The following PLPP4 variants were observed in gnomAD, a reference collection of about 807,000 sequenced individuals.
PLPP4 encodes the protein diacylglycerol pyrophosphate like 2.
A neutral mutation model predicts 32.2 loss-of-function variants in PLPP4; 20 were observed. That is an observed-to-expected ratio of 0.62 (90% CI 0.44 to 0.90). The LOEUF (loss-of-function observed/expected upper bound fraction) is 0.90, where lower values mean the gene tolerates loss of function less well. PLPP4 is among the 40% of genes least tolerant of loss of function. The probability of loss-of-function intolerance (pLI) is 0.00; values close to 1 mark genes in which losing one functional copy is unlikely to be tolerated. For synonymous variants in PLPP4, 127 were observed against 133.0 expected (o/e 0.95, Z 0.31); for missense variants, 257 against 353.1 (o/e 0.73, Z 2.18).
At chr10:120,544,716 T>C (rs1031208313) in intron 5 of PLPP4, among the ~76,000 whole-genome samples, 1 of 152,210 alleles carries the variant, frequency 6.6e-6, no homozygotes, top group East Asian at 1.9e-4. Flanking sequence ...GTATGTGTTA[T>C]AGGTTTGGTG....
intron 5 of PLPP4, among the ~76,000 whole-genome samples, chr10:120,563,575 T>C (rs921908493): frequency 6.8e-6 from 1 of 146,238 alleles, no homozygotes; most frequent in Non-Finnish European, 1.5e-5. Context: ...CCGAGGCGGG[T>C]GGATCATGAG....
At chr10:120,542,761 C>G (rs924653594) in intron 5 of PLPP4, among the ~76,000 whole-genome samples, 5 of 152,234 alleles carry the variant, frequency 3.3e-5, no homozygotes, top group Non-Finnish European at 7.3e-5. Context: ...CAGTAACAAT[C>G]TCTAAACCCA....
At chr10:120,571,577 TG>T (rs1167900235) in intron 5 of PLPP4, among the ~76,000 whole-genome samples, 2 of 152,214 alleles carry the variant, frequency 1.3e-5, no homozygotes, top group African/African-American at 4.8e-5. Flanking sequence ...TTGTTGTTGT[TG>T]TTTTTTCCTC....
intron 5 of PLPP4, among the ~76,000 whole-genome samples, chr10:120,572,481 ATTTG>A (rs765901379): frequency 2.0e-5 from 3 of 152,260 alleles, no homozygotes; most frequent in East Asian, 3.9e-4. Context: ...ATGTTCATTG[ATTTG>A]TTTGTTTGTT....
intron 5 of PLPP4, among the ~76,000 whole-genome samples, chr10:120,538,315 G>C (rs531470278): frequency 2.6e-5 from 4 of 151,078 alleles, no homozygotes; most frequent in Non-Finnish European, 5.9e-5. Context: ...CATAATTAGG[G>C]AGTTAACTCT....
At chr10:120,586,121 C>CTT (rs772110165) in intron 6 of PLPP4, among the ~76,000 whole-genome samples, 16,812 of 95,418 alleles carry the variant, frequency 0.18, 1,659 homozygotes, top group African/African-American at 0.31. Context: ...TTTCTCTTTT[C>CTT]TTTTTCTTTT....
chr10:120,459,031 T>C lies in PLPP4; in HGVS notation c.56+1670T>C, dbSNP rs189097616. 1.6e-4 allele frequency among the ~76,000 whole-genome samples: 25 copies of C among 152,356 alleles called. 1 individual carries two copies. The East Asian group carries it at 4.6e-3, about 28-fold the overall frequency. ...GGGTCCAACAATATGTAAAAATATT[T>C]ATAGTTTTCAGGTGTCCCTTCCAAT... On this transcript the variant is annotated intron_variant, in intron 1 of 6. Coordinates refer to ENST00000398250, the MANE Select transcript of PLPP4 (RefSeq NM_001030059.3).
At chr10:120,550,785 A>G (rs1014828333) in intron 5 of PLPP4, among the ~76,000 whole-genome samples, 4 of 152,060 alleles carry the variant, frequency 2.6e-5, no homozygotes, top group Non-Finnish European at 5.9e-5. Context: ...AAGTTCATCT[A>G]TAAATCATAT....
chr10:120,543,192 C>T (rs1847437505), intron 5 of PLPP4, among the ~76,000 whole-genome samples: 1 of 152,106 alleles, frequency 6.6e-6, no homozygotes, highest in Non-Finnish European at 1.5e-5. Context: ...GCCGGGGGTC[C>T]CAGGGACACC....
intron 2 of PLPP4, among the ~76,000 whole-genome samples, chr10:120,504,389 A>C (rs1564801329): frequency 1.3e-5 from 2 of 152,246 alleles, no homozygotes; most frequent in Non-Finnish European, 2.9e-5. Flanking sequence ...AAATAGGTAA[A>C]GGCAAGGGAG....
At chr10:120,485,260 G>A (rs1844392828) in intron 1 of PLPP4, among the ~76,000 whole-genome samples, 1 of 152,208 alleles carries the variant, frequency 6.6e-6, no homozygotes, top group African/African-American at 2.4e-5. Context: ...CTGAAGGCAG[G>A]GACTGTGCCT....
chr10:120,590,135 A>AT lies in PLPP4; in HGVS notation c.*634dup, dbSNP rs1166463884. ...TCCACCAAACACAATGAGCATGAAG[A>AT]TGCATGAGTGCATGTGTGGGGGATG... On this transcript the variant is annotated 3_prime_UTR_variant, in exon 7 of 7. Transcript: ENST00000398250. Among the ~76,000 whole-genome samples the AT allele has an allele frequency of 1.3e-5, 2 of 152,246 alleles. No homozygotes were observed. Among genetic ancestry groups the AT allele is most frequent in the African/African-American group, 4.8e-5 (2 of 41,450 alleles).
chr10:120,495,086 C>G (rs933201574), intron 1 of PLPP4, among the ~76,000 whole-genome samples: 5 of 152,230 alleles, frequency 3.3e-5, no homozygotes, highest in South Asian at 4.1e-4. Flanking sequence ...GCACTCCGTG[C>G]CGTATAGACT....
At chr10:120,505,830 G>A (rs942759857) in intron 2 of PLPP4, among the ~76,000 whole-genome samples, 1 of 152,162 alleles carries the variant, frequency 6.6e-6, no homozygotes, top group Non-Finnish European at 1.5e-5. Flanking sequence ...GAAGCAGTGT[G>A]TGTGTAATGA....
intron 1 of PLPP4, among the ~76,000 whole-genome samples, chr10:120,481,021 A>G (rs893426376): frequency 1.3e-5 from 2 of 152,192 alleles, no homozygotes; most frequent in African/African-American, 4.8e-5. Context: ...CCTTTGGATT[A>G]AGGACTCCTG....
chr10:120,535,985 C>T (rs922333316), intron 5 of PLPP4, among the ~76,000 whole-genome samples: 4 of 151,992 alleles, frequency 2.6e-5, no homozygotes, highest in Admixed American at 1.3e-4. Context: ...ACCATGTGTC[C>T]TTTGTAATGG....
Position 120,521,086 on chromosome 10 carries a change from C to G in PLPP4, c.436C>G (p.His146Asp). 6.2e-7 allele frequency: 1 copy of G among 1,614,096 alleles called. No individual in the cohort carries two copies. The change falls in exon 5 of 7, where the codon CAT becomes GAT. Residue 146 changes from histidine (H) to aspartate (D), a missense_variant. Coordinates refer to ENST00000398250, the MANE Select transcript of PLPP4 (RefSeq NM_001030059.3). ...SEGRKSFPSI[H>D]SSFAFSGLGF... ...GGGCCGCAAAAGCTTCCCCAGCATC[C>G]ATTCCTCCTGTAAGTTCATGGCTGG...
chr10:120,559,368 T>C (rs1172798957), intron 5 of PLPP4, among the ~76,000 whole-genome samples: 1 of 152,104 alleles, frequency 6.6e-6, no homozygotes. Flanking sequence ...TATTTTTCTT[T>C]CGTGGATTTA....
intron 1 of PLPP4, among the ~76,000 whole-genome samples, chr10:120,494,195 T>C (rs1486852652): frequency 6.6e-6 from 1 of 152,230 alleles, no homozygotes; most frequent in Non-Finnish European, 1.5e-5. Context: ...TTTTAGACTT[T>C]ACACTGCTCA....
Sources: allele counts gnomAD v4.1 joint callset (sites outside exome capture counted in the v4.1 genomes callset), GRCh38; gene constraint gnomAD v4.1.1; transcripts MANE v1.5; gene names NCBI Gene and HGNC (gene_info 2026-07-23, HGNC 2026-07-21).